Variants in THSD1 observed in about 807,000 individuals in gnomAD.
The protein encoded by THSD1 is thrombospondin type 1 domain containing 1, also known as thrombospondin type-1 domain-containing protein 1.
In THSD1, 34 loss-of-function variants were observed where a neutral mutation model predicts 46.3. The observed-to-expected ratio is 0.74, with a 90% CI of 0.56 to 0.98. The LOEUF (loss-of-function observed/expected upper bound fraction) is 0.98, where lower values mean the gene tolerates loss of function less well. Among genes scored for constraint, THSD1 ranks in the 50% least tolerant of loss-of-function variants. THSD1 has a pLI of 0.00. For missense variants in THSD1, 1,023 were observed against 1,058.3 expected (o/e 0.97, Z 0.46); for synonymous variants, 407 against 416.5 (o/e 0.98, Z 0.28).
intron 2 of THSD1, among the ~76,000 whole-genome samples, chr13:52,401,181 GC>G (rs1201406398): frequency 6.6e-6 from 1 of 152,138 alleles, no homozygotes; most frequent in Non-Finnish European, 1.5e-5. Context: ...CACCATGTTG[GC>G]CAGGATGGTC....
At chr13:52,385,941 C>T (rs1240606393) in intron 4 of THSD1, 87 bp downstream of exon 4, 2 of 1,260,686 alleles carry the variant, frequency 1.6e-6, no homozygotes, top group East Asian at 4.9e-5. Context: ...TGATCTTAGA[C>T]TGGTAACTCT....
chr13:52,382,149 G>A (rs529447132), intron 4 of THSD1, among the ~76,000 whole-genome samples: 1 of 152,274 alleles, frequency 6.6e-6, no homozygotes, highest in East Asian at 1.9e-4. Context: ...TCCATTGGCT[G>A]TCCCACGACC....
chr13:52,378,347 T>C lies in THSD1; in HGVS notation c.1623A>G (p.Lys541=). ...RLAQQQLKEM[K]KKGLTETTKV... is the part of the protein sequence containing the mutation. ...TGGTAGTTTCCGTCAGACCTTTCTTTTTCATCTCCTTTAACTGCTGCTGGG... is the reference window on the plus strand; with the variant it reads ...TGGTAGTTTCCGTCAGACCTTTCTTCTTCATCTCCTTTAACTGCTGCTGGG... Residue 541 remains lysine, a synonymous_variant, in exon 5 of 5, where the codon AAA becomes AAG. Transcript: ENST00000258613. 3 of 1,614,142 alleles carry C rather than the reference T, an allele frequency of 1.9e-6. No homozygotes were observed. Among genetic ancestry groups the C allele is most frequent in the Non-Finnish European group, 2.5e-6 (3 of 1,180,040 alleles).
chr13:52,392,206 A>T (rs1472467721), intron 3 of THSD1, among the ~76,000 whole-genome samples: 2 of 151,438 alleles, frequency 1.3e-5, no homozygotes, highest in African/African-American at 2.4e-5. Flanking sequence ...AAAAAAAAAA[A>T]AAAAAGTAAA....
In THSD1 at chr13:52,377,997, T is replaced by A. The variant is rs1482604917; in HGVS notation, c.1973A>T (p.Glu658Val). ...AHFRRTASFH[E>V]ARQARPFRER... Reference sequence around the variant, plus strand: ...TCGGAACGGCCGGGCCTGCCTGGCTTCATGGAAACTCGCTGTCCTCCTGAA... The same window carrying A: ...TCGGAACGGCCGGGCCTGCCTGGCTACATGGAAACTCGCTGTCCTCCTGAA... The change falls in exon 5 of 5, where the codon GAA (glutamate) becomes GTA (valine). Residue 658 changes from glutamate (E) to valine (V), a missense_variant. This residue lies in a region of THSD1 where 578 missense variants were observed against 497.4 expected (regional missense o/e 1.16). Transcript: ENST00000258613. 3 of 1,614,026 alleles carry A rather than the reference T, an allele frequency of 1.9e-6. No individual in the cohort carries two copies. In the Admixed American group the frequency reaches 5.0e-5, roughly 27 times the overall value.
At chr13:52,381,892 G>A (rs1957695908) in intron 4 of THSD1, among the ~76,000 whole-genome samples, 1 of 152,176 alleles carries the variant, frequency 6.6e-6, no homozygotes, top group Admixed American at 6.5e-5. Context: ...TACATCACCT[G>A]TCTCCTGCAA....
chr13:52,388,673 G>A (rs985336570), intron 3 of THSD1, among the ~76,000 whole-genome samples: 4 of 152,092 alleles, frequency 2.6e-5, no homozygotes, highest in Non-Finnish European at 5.9e-5. Flanking sequence ...TAGAAACGGG[G>A]TTTCTCCATG....
At chr13:52,398,935 G>C (rs1957832241) in intron 2 of THSD1, among the ~76,000 whole-genome samples, 1 of 152,128 alleles carries the variant, frequency 6.6e-6, no homozygotes, top group African/African-American at 2.4e-5. Context: ...TTATTTCAAA[G>C]TTATTATTTA....
In THSD1 at chr13:52,398,001, T is replaced by A; in HGVS notation, c.252A>T (p.Gly84=). 6.2e-7 allele frequency: 1 copy of A among 1,614,236 alleles called. No individual in the cohort carries two copies. The highest frequency in any genetic ancestry group is 8.5e-7 in the Non-Finnish European group (1 of 1,180,046). Residue 84 remains glycine (G), a synonymous_variant, in exon 3 of 5, where the codon GGA becomes GGT. Coordinates refer to ENST00000258613, the MANE Select transcript of THSD1 (RefSeq NM_018676.4). ...TKYLLTNQSQ[G]TLKFECFYFK... ...AATAGAAGCACTCAAACTTTAGTGT[T>A]CCCTGGGACTGGTTGGTCAGGAGGT...
chr13:52,378,721 C>T lies in THSD1; in HGVS notation c.1249G>A (p.Val417Ile). ...AACAAGCACAAGGATATACCAGTGA[C>T]AGTCACGATGTTGTTGGACTTCACT... ...GPVKSNNIVT[V>I]TGISLCLFII... Residue 417 changes from valine (V) to isoleucine (I), a missense_variant, in exon 5 of 5, where the codon GTC becomes ATC. Coordinates refer to ENST00000258613, the MANE Select transcript of THSD1 (RefSeq NM_018676.4). 6.2e-7 allele frequency: 1 copy of T among 1,613,614 alleles called. No homozygotes were observed. The highest frequency in any genetic ancestry group is 8.5e-7 in the Non-Finnish European group (1 of 1,180,026).
rs1035451645 is a variant in THSD1 at position 52,401,621 on chromosome 13, T to C, written c.58+922A>G. 2.6e-5 allele frequency among the ~76,000 whole-genome samples: 4 copies of C among 152,122 alleles called. No homozygotes were observed. The South Asian group carries it at 8.3e-4, about 31-fold the overall frequency. ...GCCAAATTACTTTAAAATAAATGAA[T>C]CCCACACTGGCTTTCCTTAAATCCG... On this transcript the variant is annotated intron_variant, in intron 2 of 4. Coordinates refer to ENST00000258613, the MANE Select transcript of THSD1 (RefSeq NM_018676.4).
Position 52,378,715 on chromosome 13 carries a change from C to T in THSD1, c.1255G>A (p.Gly419Ser). The T allele has an allele frequency of 6.2e-7, 1 of 1,613,670 alleles. No individual in the cohort carries two copies. The highest frequency in any genetic ancestry group is 1.1e-5 in the South Asian group (1 of 91,080). The change falls in exon 5 of 5, where the codon GGT becomes AGT. Residue 419 changes from glycine to serine, a missense_variant. Coordinates refer to ENST00000258613, the MANE Select transcript of THSD1 (RefSeq NM_018676.4). ...ATGATGAACAAGCACAAGGATATAC[C>T]AGTGACAGTCACGATGTTGTTGGAC... ...VKSNNIVTVT[G>S]ISLCLFIIIA... is the part of the protein sequence containing the mutation.
intron 4 of THSD1, among the ~76,000 whole-genome samples, chr13:52,379,931 G>A (rs958975252): frequency 1.3e-5 from 2 of 152,114 alleles, no homozygotes; most frequent in African/African-American, 4.8e-5. Flanking sequence ...TACATCTTAA[G>A]GGAAATTAAC....
intron 3 of THSD1, among the ~76,000 whole-genome samples, chr13:52,392,020 A>G (rs113957827): frequency 0.097 from 14,684 of 151,352 alleles, 1,187 homozygotes; most frequent in African/African-American, 0.22. Flanking sequence ...GTGAAACCCC[A>G]TCTCTACTAA....
chr13:52,389,492 C>A (rs909503346), intron 3 of THSD1, among the ~76,000 whole-genome samples: 10 of 151,474 alleles, frequency 6.6e-5, no homozygotes, highest in Admixed American at 5.9e-4. Context: ...AAGCACAATC[C>A]AACTATTTTT....
intron 4 of THSD1, chr13:52,384,184 C>CAAAA (rs754288122): frequency 8.2e-4 from 133 of 162,412 alleles, no homozygotes; most frequent in East Asian, 1.3e-3. Flanking sequence ...AACTCCGTCT[C>CAAAA]AAAAAAAAAA....
chr13:52,406,000 C>T (rs1957903129), intron 1 of THSD1, 31 bp downstream of exon 1: 1 of 152,264 alleles, frequency 6.6e-6, no homozygotes, highest in African/African-American at 2.4e-5. Context: ...GGCACGGGCG[C>T]GAACACCAGG....
At chr13:52,401,733 T>A (rs1000145550) in intron 2 of THSD1, among the ~76,000 whole-genome samples, 1 of 152,220 alleles carries the variant, frequency 6.6e-6, no homozygotes, top group Non-Finnish European at 1.5e-5. Flanking sequence ...CAGGCTCTGG[T>A]CCATTTAACC....
chr13:52,393,974 C>T (rs148541645), intron 3 of THSD1, among the ~76,000 whole-genome samples: 254 of 152,296 alleles, frequency 1.7e-3, no homozygotes, highest in African/African-American at 5.9e-3. Flanking sequence ...TTTAGCTCCC[C>T]CAGTTACTGC....
Sources: gnomAD v4.1 joint callset for allele counts (sites outside exome capture counted in the v4.1 genomes callset) on GRCh38, gnomAD v4.1.1 for gene constraint, gnomAD v4.1.1 regional missense constraint, MANE v1.5 for transcripts, NCBI Gene and HGNC (gene_info 2026-07-23, HGNC 2026-07-21) for gene names.